The following PARD6G variants were observed in gnomAD, a reference collection of about 807,000 sequenced individuals.
PARD6G encodes the protein par-6 family cell polarity regulator gamma.
PARD6G carries 7 observed loss-of-function variants against 10.7 expected under a neutral mutation model. The observed-to-expected ratio is 0.66, with a 90% confidence interval of 0.37 to 1.23. The LOEUF (loss-of-function observed/expected upper bound fraction) is 1.23, where lower values mean the gene tolerates loss of function less well. Ranked by LOEUF, PARD6G falls within the 50% of genes most tolerant of loss-of-function variation. The probability of loss-of-function intolerance (pLI) is 0.02; values close to 1 mark genes in which losing one functional copy is unlikely to be tolerated. For missense variants in PARD6G, 548 were observed against 571.8 expected (o/e 0.96, Z 0.42); for synonymous variants, 287 against 269.4 (o/e 1.07, Z -0.64).
chr18:80,244,805 G>T (rs1196687232), intron 1 of PARD6G, among the ~76,000 whole-genome samples: 1 of 152,170 alleles, frequency 6.6e-6, no homozygotes, highest in Non-Finnish European at 1.5e-5. Context: ...ATAAGGCTTT[G>T]CTGTTATTTT....
At chr18:80,190,483 C>T (rs1285063404) in intron 2 of PARD6G, among the ~76,000 whole-genome samples, 2 of 152,188 alleles carry the variant, frequency 1.3e-5, no homozygotes, top group African/African-American at 4.8e-5. Context: ...TGTGCACAGG[C>T]CCATGATTCC....
chr18:80,187,443 G>A (rs779032454), intron 2 of PARD6G, among the ~76,000 whole-genome samples: 12 of 152,208 alleles, frequency 7.9e-5, no homozygotes, highest in Non-Finnish European at 1.8e-4. Context: ...ATGTAACCAT[G>A]AGCTTCAGCA....
chr18:80,195,544 G>GATATATATATATATATAT (rs1235414160), intron 2 of PARD6G, among the ~76,000 whole-genome samples: 5 of 23,700 alleles, frequency 2.1e-4, no homozygotes, highest in Middle Eastern at 0.019. Context: ...AGTCTTCAAA[G>GATATATATATATATATAT]ATACATATAT....
intron 1 of PARD6G, among the ~76,000 whole-genome samples, chr18:80,238,468 G>A (rs2145306593): frequency 6.7e-6 from 1 of 149,290 alleles, no homozygotes; most frequent in South Asian, 2.1e-4. Context: ...TTGTGCACAA[G>A]TACCCTAAAA....
intron 1 of PARD6G, among the ~76,000 whole-genome samples, chr18:80,230,510 G>A (rs1967345920): frequency 6.6e-6 from 1 of 152,194 alleles, no homozygotes; most frequent in African/African-American, 2.4e-5. Flanking sequence ...CTGCCTAGGT[G>A]CTGTCCACCC....
chr18:80,208,120 G>A (rs143952260), intron 1 of PARD6G, among the ~76,000 whole-genome samples: 15 of 152,028 alleles, frequency 9.9e-5, no homozygotes, highest in African/African-American at 3.6e-4. Flanking sequence ...AGATTTCACT[G>A]TATCAAATCA....
chr18:80,211,614 T>C (rs1967108827), intron 1 of PARD6G, among the ~76,000 whole-genome samples: 1 of 152,258 alleles, frequency 6.6e-6, no homozygotes, highest in Non-Finnish European at 1.5e-5. Flanking sequence ...TGTATATCCA[T>C]GTCCATAGCA....
intron 2 of PARD6G, among the ~76,000 whole-genome samples, chr18:80,195,580 T>TATATATATACA (rs1217519591): frequency 7.4e-6 from 1 of 134,314 alleles, no homozygotes; most frequent in African/African-American, 2.8e-5. Flanking sequence ...TATACACACA[T>TATATATATACA]TTTTTTTTCT....
At chr18:80,208,762 T>TA (rs1967079918) in intron 1 of PARD6G, among the ~76,000 whole-genome samples, 1 of 151,954 alleles carries the variant, frequency 6.6e-6, no homozygotes, top group Non-Finnish European at 1.5e-5. Context: ...TCAAATTTCC[T>TA]AAAAAAGATT....
intron 1 of PARD6G, among the ~76,000 whole-genome samples, chr18:80,245,731 C>T (rs1255811326): frequency 1.3e-5 from 2 of 152,072 alleles, no homozygotes; most frequent in African/African-American, 4.8e-5. Flanking sequence ...AGCTGTGTTC[C>T]CACTGAGCTA....
intron 1 of PARD6G, among the ~76,000 whole-genome samples, chr18:80,221,135 T>C (rs561782017): frequency 3.3e-5 from 5 of 152,286 alleles, no homozygotes; most frequent in South Asian, 2.1e-4. Context: ...TGGCCACTTA[T>C]ACAAAGTGTT....
intron 2 of PARD6G, chr18:80,162,563 T>G (rs1361763625): frequency 5.9e-6 from 1 of 169,220 alleles, no homozygotes; most frequent in African/African-American, 2.4e-5. Context: ...CTGCACCTCA[T>G]AGACACTGCA....
chr18:80,212,657 G>A (rs910883001), intron 1 of PARD6G, among the ~76,000 whole-genome samples: 21 of 152,086 alleles, frequency 1.4e-4, no homozygotes, highest in East Asian at 1.4e-3. Flanking sequence ...AGGCCAAGGC[G>A]GGCGGATGAT....
chr18:80,237,713 A>G (rs1272895254), intron 1 of PARD6G, among the ~76,000 whole-genome samples: 1 of 152,248 alleles, frequency 6.6e-6, no homozygotes. Context: ...TTTCAAAAGA[A>G]GACATTTATG....
chr18:80,168,424 T>C (rs942244616), intron 2 of PARD6G, among the ~76,000 whole-genome samples: 2 of 152,132 alleles, frequency 1.3e-5, no homozygotes, highest in Admixed American at 1.3e-4. Context: ...AAATACCTTT[T>C]TACAAGAAAA....
At chr18:80,244,577 A>G (rs1195191118) in intron 1 of PARD6G, among the ~76,000 whole-genome samples, 2 of 152,226 alleles carry the variant, frequency 1.3e-5, no homozygotes, top group African/African-American at 4.8e-5. Context: ...TTTAACTCAA[A>G]GCGCTCTTGT....
chr18:80,229,499 TG>T (rs1436210389), intron 1 of PARD6G, among the ~76,000 whole-genome samples: 1 of 152,210 alleles, frequency 6.6e-6, no homozygotes, highest in Non-Finnish European at 1.5e-5. Flanking sequence ...TTCTAGCTCC[TG>T]CTCCTTGAGG....
At chr18:80,168,993 A>T (rs896417283) in intron 2 of PARD6G, 2 of 169,324 alleles carry the variant, frequency 1.2e-5, no homozygotes, top group Non-Finnish European at 2.9e-5. Context: ...AAGGGTGGGA[A>T]CTGCTGAAGG....
intron 1 of PARD6G, among the ~76,000 whole-genome samples, chr18:80,218,313 A>G (rs922294139): frequency 1.7e-4 from 26 of 152,142 alleles, no homozygotes; most frequent in Non-Finnish European, 7.3e-5. Context: ...TCCTAGATAC[A>G]ATGGAGGTAC....
Sources: gnomAD v4.1 joint callset for allele counts (sites outside exome capture counted in the v4.1 genomes callset) on GRCh38, gnomAD v4.1.1 for gene constraint, MANE v1.5 for transcripts, NCBI Gene and HGNC (gene_info 2026-07-23, HGNC 2026-07-21) for gene names.